The following KIAA1549L variants were observed in gnomAD, a reference collection of about 807,000 sequenced individuals.
The protein encoded by KIAA1549L is KIAA1549 like.
KIAA1549L carries 88 observed loss-of-function variants against 160.7 expected under a neutral mutation model. The ratio of observed to expected loss-of-function variants is 0.55; its 90% CI spans 0.46 to 0.65. The LOEUF (loss-of-function observed/expected upper bound fraction) is 0.65, where lower values mean the gene tolerates loss of function less well. KIAA1549L is among the 30% of genes least tolerant of loss of function. The pLI, the probability that KIAA1549L is intolerant of heterozygous loss-of-function variation, is 0.00. For synonymous variants in KIAA1549L, 950 were observed against 976.7 expected (o/e 0.97, Z 0.51); for missense variants, 2,258 against 2,437.5 (o/e 0.93, Z 1.55).
chr11:33,420,245 T>G (rs1422572782), intron 1 of KIAA1549L, among the ~76,000 whole-genome samples: 1 of 150,128 alleles, frequency 6.7e-6, no homozygotes. Flanking sequence ...GTTTTTTTTT[T>G]TTTTTTGAGA....
chr11:33,591,926 C>T (rs1434161374), intron 12 of KIAA1549L, among the ~76,000 whole-genome samples: 1 of 152,110 alleles, frequency 6.6e-6, no homozygotes, highest in Non-Finnish European at 1.5e-5. Flanking sequence ...AACTGGAATA[C>T]CGAGGATGAG....
chr11:33,529,200 G>A lies in KIAA1549L; in HGVS notation c.239-12602G>A, dbSNP rs189045947. Among the ~76,000 whole-genome samples, 196 of 152,158 alleles carry A rather than the reference G, an allele frequency of 1.3e-3. 1 individual carries two copies. Among genetic ancestry groups the A allele is most frequent in the African/African-American group, 4.5e-3 (186 of 41,522 alleles). ...AGAATACAAAAATGAGACGAGTGTG[G>A]CGGTATGTCCCTGTAGTCCAGCTAC... On this transcript the variant is annotated intron_variant, in intron 1 of 20. Coordinates refer to ENST00000658780, the MANE Select transcript of KIAA1549L (RefSeq NM_012194.3).
chr11:33,619,705 T>G (rs781192051), intron 16 of KIAA1549L, among the ~76,000 whole-genome samples: 18 of 152,238 alleles, frequency 1.2e-4, no homozygotes, highest in Non-Finnish European at 1.8e-4. Context: ...TTTTGTTTCT[T>G]TTTCCTTTTT....
At chr11:33,434,828 A>C (rs1049991296) in intron 1 of KIAA1549L, among the ~76,000 whole-genome samples, 3 of 152,208 alleles carry the variant, frequency 2.0e-5, no homozygotes, top group African/African-American at 7.2e-5. Flanking sequence ...GACCCCTAGA[A>C]ATTTTACTGA....
At chr11:33,399,367 C>G (rs1019032496) in intron 1 of KIAA1549L, among the ~76,000 whole-genome samples, 16 of 152,188 alleles carry the variant, frequency 1.1e-4, no homozygotes, top group African/African-American at 3.9e-4. Context: ...CAAAGAAGAA[C>G]TGCTAGAAGA....
chr11:33,569,344 T>C (rs1236993671), intron 9 of KIAA1549L, among the ~76,000 whole-genome samples: 5 of 152,212 alleles, frequency 3.3e-5, no homozygotes, highest in Non-Finnish European at 7.3e-5. Flanking sequence ...TTGAGCATGA[T>C]GTCAAATTAG....
At chr11:33,521,880 A>G (rs1367509694) in intron 1 of KIAA1549L, among the ~76,000 whole-genome samples, 1 of 152,358 alleles carries the variant, frequency 6.6e-6, no homozygotes, top group Non-Finnish European at 1.5e-5. Flanking sequence ...CTGAAAAATC[A>G]TGTCTAATGA....
intron 1 of KIAA1549L, among the ~76,000 whole-genome samples, chr11:33,535,597 A>C (rs1053421072): frequency 1.1e-4 from 17 of 152,080 alleles, no homozygotes; most frequent in African/African-American, 3.9e-4. Context: ...CCTTGAGTCC[A>C]AAAGATTGAG....
intron 1 of KIAA1549L, among the ~76,000 whole-genome samples, chr11:33,377,154 G>A (rs1295761465): frequency 6.6e-6 from 1 of 152,204 alleles, no homozygotes. Flanking sequence ...TTTAGAGAAA[G>A]ATGTGTGTTT....
At chr11:33,606,464 T>C (rs1850503544) in intron 13 of KIAA1549L, among the ~76,000 whole-genome samples, 177 bp from the exon 14 acceptor site, 1 of 152,186 alleles carries the variant, frequency 6.6e-6, no homozygotes, top group Non-Finnish European at 1.5e-5. Flanking sequence ...ATACAGATCT[T>C]AAATTTAAAG....
chr11:33,650,806 C>T (rs1195767838), intron 17 of KIAA1549L, among the ~76,000 whole-genome samples: 1 of 152,202 alleles, frequency 6.6e-6, no homozygotes, highest in Non-Finnish European at 1.5e-5. Context: ...CTGTTAAAGG[C>T]ACTTCTGGTC....
intron 19 of KIAA1549L, among the ~76,000 whole-genome samples, chr11:33,659,338 A>G (rs2133442805): frequency 6.6e-6 from 1 of 152,346 alleles, no homozygotes; most frequent in African/African-American, 2.4e-5. Context: ...CATAAATGAT[A>G]TCATGGCATA....
intron 9 of KIAA1549L, among the ~76,000 whole-genome samples, chr11:33,570,272 G>A (rs1855206476): frequency 6.6e-6 from 1 of 152,162 alleles, no homozygotes; most frequent in African/African-American, 2.4e-5. Flanking sequence ...AAAGTGCTGG[G>A]ATTACAGGTG....
intron 3 of KIAA1549L, among the ~76,000 whole-genome samples, chr11:33,547,321 A>G (rs1395871815): frequency 6.6e-6 from 1 of 152,152 alleles, no homozygotes; most frequent in East Asian, 1.9e-4. Flanking sequence ...TTCAATCCCA[A>G]ATACCTGTTC....
rs913357074 is a variant in KIAA1549L, at chr11:33,435,850, G to A, written c.238+58961G>A. On this transcript the variant is annotated intron_variant, in intron 1 of 20. Coordinates refer to ENST00000658780, the MANE Select transcript of KIAA1549L (RefSeq NM_012194.3). ...TATATATGTATATGTATATGTGTGT[G>A]TGTGTGTGTGTGTATAAAATATTAG... 7.4e-3 allele frequency among the ~76,000 whole-genome samples: 462 copies of A among 62,514 alleles called. 40 individuals are homozygous for A. The highest frequency in any genetic ancestry group is 0.019 in the African/African-American group (222 of 11,584). 41.0% of individuals were successfully genotyped at this position (62,514 alleles called of 152,430 possible).
At chr11:33,507,903 A>C (rs1420069166) in intron 1 of KIAA1549L, among the ~76,000 whole-genome samples, 1 of 152,186 alleles carries the variant, frequency 6.6e-6, no homozygotes, top group East Asian at 1.9e-4. Context: ...TTAGTACTAC[A>C]TTTGCTTACT....
Position 33,487,400 on chromosome 11 carries a change from TTC to T in KIAA1549L, c.239-54400_239-54399del, listed in dbSNP as rs1491371151. On this transcript the variant is annotated intron_variant, in intron 1 of 20. Coordinates refer to ENST00000658780, the MANE Select transcript of KIAA1549L (RefSeq NM_012194.3). ...TGGAGGCAGGGACCATGGTCTATTG[TTC>T]TTTTTTTTTTTTTTTTTTTTTTGGT... Among the ~76,000 whole-genome samples the T allele has an allele frequency of 7.1e-4, 102 of 142,838 alleles. No individual in the cohort carries two copies. The South Asian group carries it at 0.02, about 28-fold the overall frequency. 93.7% of individuals were successfully genotyped at this position (142,838 alleles called of 152,430 possible).
intron 1 of KIAA1549L, among the ~76,000 whole-genome samples, chr11:33,485,417 G>A (rs576912323): frequency 1.3e-5 from 2 of 152,144 alleles, no homozygotes; most frequent in East Asian, 1.9e-4. Flanking sequence ...CATTGTCAAT[G>A]TGTACCTTAT....
rs757130837 is a variant in KIAA1549L at position 33,542,455 on chromosome 11, A to G, written c.892A>G (p.Met298Val). 26 of 1,609,106 alleles carry G rather than the reference A, an allele frequency of 1.6e-5. No homozygotes were observed. Among genetic ancestry groups the G allele is most frequent in the Non-Finnish European group, 8.5e-6 (10 of 1,177,548 alleles). ...TCCCTTAATCCCATTTTCTGATGAA[A>G]TGGACCACACTGCATCCCAAAATGC... ...ANPLIPFSDE[M>V]DHTASQNAQD... is the part of the protein sequence containing the mutation. The change falls in exon 2 of 21, where the codon ATG becomes GTG. Residue 298 changes from methionine (M) to valine (V), a missense_variant. Met to Val is a conservative substitution (Grantham distance 21, BLOSUM62 1). Transcript: ENST00000658780.
Sources: gnomAD v4.1 joint callset for allele counts (sites outside exome capture counted in the v4.1 genomes callset) on GRCh38, gnomAD v4.1.1 for gene constraint, MANE v1.5 for transcripts, NCBI Gene and HGNC (gene_info 2026-07-23, HGNC 2026-07-21) for gene names.